Variants in BTBD9 observed in about 807,000 individuals in gnomAD.
BTBD9 encodes the protein BTB/POZ domain-containing protein 9.
In BTBD9, 49 loss-of-function variants were observed where a neutral mutation model predicts 64.3. That is an observed-to-expected ratio of 0.76 (90% CI 0.61 to 0.97). The LOEUF (loss-of-function observed/expected upper bound fraction) is 0.97, where lower values mean the gene tolerates loss of function less well. Among genes scored for constraint, BTBD9 ranks in the 50% least tolerant of loss-of-function variants. The pLI, the probability that BTBD9 is intolerant of heterozygous loss-of-function variation, is 0.00. For missense variants in BTBD9, 598 were observed against 762.1 expected, an observed-to-expected ratio of 0.78 and a Z score of 2.53; for synonymous variants, 260 against 274.7, an observed-to-expected ratio of 0.95 and a Z score of 0.53.
At chr6:38,443,342 A>G (rs1398110125) in intron 6 of BTBD9, among the ~76,000 whole-genome samples, 1 of 152,150 alleles carries the variant, frequency 6.6e-6, no homozygotes, top group African/African-American at 2.4e-5. Context: ...CCCTGGCTCA[A>G]CTTACCACAC....
At chr6:38,586,978 A>T (rs1258919510) in intron 4 of BTBD9, among the ~76,000 whole-genome samples, 2 of 151,536 alleles carry the variant, frequency 1.3e-5, no homozygotes, top group Non-Finnish European at 2.9e-5. Flanking sequence ...CAGGAGAATC[A>T]CTTGAGCCCA....
chr6:38,592,865 T>A (rs200300365), intron 3 of BTBD9, 25 bp from the exon 4 acceptor site: 138 of 1,609,584 alleles, frequency 8.6e-5, no homozygotes, highest in Non-Finnish European at 1.1e-4. Flanking sequence ...AAGGTAAAAT[T>A]CCAGTTATAT....
At chr6:38,365,752 C>G (rs1197544034) in intron 6 of BTBD9, among the ~76,000 whole-genome samples, 2 of 121,516 alleles carry the variant, frequency 1.6e-5, no homozygotes, top group Non-Finnish European at 3.4e-5. Context: ...GAGCAAGATC[C>G]TGACTCAAAA....
chr6:38,340,968 T>C (rs557730418), intron 7 of BTBD9, among the ~76,000 whole-genome samples: 4 of 152,288 alleles, frequency 2.6e-5, no homozygotes, highest in Middle Eastern at 3.4e-3. Flanking sequence ...ATGCAACAGA[T>C]AAACATGCTA....
chr6:38,287,082 CAAAAA>C (rs60618390), intron 8 of BTBD9, among the ~76,000 whole-genome samples: 21 of 25,366 alleles, frequency 8.3e-4, no homozygotes, highest in East Asian at 1.5e-3. Flanking sequence ...GGCTCCATCT[CAAAAA>C]AAAAAAAAAA....
At chr6:38,546,549 A>G (rs1236547648) in intron 6 of BTBD9, among the ~76,000 whole-genome samples, 1 of 152,224 alleles carries the variant, frequency 6.6e-6, no homozygotes, top group East Asian at 1.9e-4. Flanking sequence ...GAGCAAGTAT[A>G]TTAGCACTAT....
At chr6:38,468,082 G>A (rs2127363181) in intron 6 of BTBD9, among the ~76,000 whole-genome samples, 1 of 151,948 alleles carries the variant, frequency 6.6e-6, no homozygotes, top group South Asian at 2.1e-4. Flanking sequence ...TTTACTCATG[G>A]CTTTCCAGTA....
intron 4 of BTBD9, chr6:38,588,052 T>C (rs1776621680): frequency 2.8e-6 from 2 of 726,712 alleles, no homozygotes; most frequent in Non-Finnish European, 5.1e-6. Context: ...CAGGTCAGAC[T>C]GAAAGTCAGC....
At chr6:38,443,210 G>T (rs1354156914) in intron 6 of BTBD9, among the ~76,000 whole-genome samples, 1 of 152,136 alleles carries the variant, frequency 6.6e-6, no homozygotes, top group African/African-American at 2.4e-5. Flanking sequence ...GCTGTGAGGG[G>T]AATCAACAGA....
At chr6:38,606,220 G>A (rs1391380308) in intron 1 of BTBD9, among the ~76,000 whole-genome samples, 1 of 152,134 alleles carries the variant, frequency 6.6e-6, no homozygotes, top group Admixed American at 6.5e-5. Context: ...TTGCTCCTCA[G>A]CTTGCAGAGG....
intron 8 of BTBD9, among the ~76,000 whole-genome samples, chr6:38,273,839 G>C (rs1351377701): frequency 6.6e-6 from 1 of 152,258 alleles, no homozygotes; most frequent in Non-Finnish European, 1.5e-5. Context: ...AGAAGAGTCA[G>C]GAGAGATGGA....
intron 2 of BTBD9, among the ~76,000 whole-genome samples, chr6:38,596,543 G>GTA (rs1361514487): frequency 2.0e-5 from 3 of 151,710 alleles, no homozygotes; most frequent in African/African-American, 7.3e-5. Flanking sequence ...GCTCAAGCCT[G>GTA]TAATCCCAGT....
At chr6:38,457,006 T>C (rs953228107) in intron 6 of BTBD9, among the ~76,000 whole-genome samples, 2 of 151,920 alleles carry the variant, frequency 1.3e-5, no homozygotes, top group East Asian at 1.9e-4. Context: ...AAGGTCCAAA[T>C]GATAAGAAGC....
intron 7 of BTBD9, among the ~76,000 whole-genome samples, chr6:38,331,972 T>C (rs559322986): frequency 2.6e-5 from 4 of 152,364 alleles, no homozygotes; most frequent in Admixed American, 2.0e-4. Context: ...TGAAAAATAT[T>C]TGCCAATTAA....
At chr6:38,450,102 G>A (rs75469655) in intron 6 of BTBD9, among the ~76,000 whole-genome samples, 1,984 of 152,120 alleles carry the variant, frequency 0.013, 19 homozygotes, top group Middle Eastern at 0.041. Context: ...ATAAAAAGAA[G>A]GAAATCCTGT....
At chr6:38,628,616 T>C (rs961533297) in intron 1 of BTBD9, among the ~76,000 whole-genome samples, 1 of 152,144 alleles carries the variant, frequency 6.6e-6, no homozygotes, top group Non-Finnish European at 1.5e-5. Context: ...TTATGGTTAA[T>C]ATAGATATAC....
intron 6 of BTBD9, among the ~76,000 whole-genome samples, chr6:38,352,650 G>C (rs1205014239): frequency 2.0e-5 from 3 of 152,222 alleles, no homozygotes; most frequent in Admixed American, 2.0e-4. Flanking sequence ...TAGTGGTAGA[G>C]AGAAGGCCAT....
intron 6 of BTBD9, among the ~76,000 whole-genome samples, chr6:38,465,723 A>G (rs1770334453): frequency 1.9e-5 from 1 of 53,628 alleles, no homozygotes; most frequent in South Asian, 1.0e-3. Flanking sequence ...ATATATATAT[A>G]TATATATATA....
intron 7 of BTBD9, among the ~76,000 whole-genome samples, chr6:38,318,751 C>G (rs1763121272): frequency 6.6e-6 from 1 of 152,174 alleles, no homozygotes; most frequent in Non-Finnish European, 1.5e-5. Context: ...GCCCAAGGAC[C>G]ACTGTAACCA....
Sources: gnomAD v4.1 joint callset for allele counts (sites outside exome capture counted in the v4.1 genomes callset) on GRCh38, gnomAD v4.1.1 for gene constraint, MANE v1.5 for transcripts, NCBI Gene and HGNC (gene_info 2026-07-23, HGNC 2026-07-21) for gene names.